CYP4F2: variants seen among roughly 807,000 people sequenced by gnomAD.
CYP4F2 encodes the protein cytochrome P450 family 4 subfamily F member 2.
CYP4F2 carries 58 observed loss-of-function variants against 58.9 expected under a neutral mutation model. The ratio of observed to expected loss-of-function variants is 0.98; its 90% CI spans 0.80 to 1.23. The LOEUF (loss-of-function observed/expected upper bound fraction) is 1.23, where lower values mean the gene tolerates loss of function less well. Among genes scored for constraint, CYP4F2 ranks in the 50% most tolerant of loss-of-function variants. The pLI, the probability that CYP4F2 is intolerant of heterozygous loss-of-function variation, is 0.00. For missense variants in CYP4F2, 616 were observed against 685.6 expected (o/e 0.90, Z 1.13); for synonymous variants, 287 against 261.1 (o/e 1.10, Z -0.95).
At position 15,878,920 on chromosome 19, in the gene CYP4F2, T is replaced by G; in HGVS notation, c.1414A>C (p.Thr472Pro). 1 of 1,467,054 alleles carries G rather than the reference T, an allele frequency of 6.8e-7. No homozygotes were observed. The highest frequency in any genetic ancestry group is 9.1e-7 in the Non-Finnish European group (1 of 1,095,876). The allele number at this position is 1,467,054 out of a possible 1,614,324, so 90.9% of individuals were successfully genotyped here. Residue 472 changes from threonine (T) to proline (P), a missense_variant, in exon 13 of 13, where the codon ACG becomes CCG. Coordinates refer to ENST00000221700, the MANE Select transcript of CYP4F2 (RefSeq NM_001082.5). ...SAGPRNCIGQTFAMAEMKVVL... is the reference protein window; with the variant it reads ...SAGPRNCIGQPFAMAEMKVVL... ...ACCTTCATCTCCGCCATCGCGAACG[T>G]CTGCCCGATGCAGTTCCTAGGGGAG... is the stretch of plus-strand genomic sequence containing the variant.
At chr19:15,896,304 A>C (rs937175393) in intron 2 of CYP4F2, among the ~76,000 whole-genome samples, 8 of 151,880 alleles carry the variant, frequency 5.3e-5, no homozygotes, top group African/African-American at 1.9e-4. Context: ...CTATCTATCT[A>C]TCCACATTCC....
At chr19:15,889,830 T>G (rs1323039505) in intron 6 of CYP4F2, 137 bp from the exon 7 acceptor site, 15 of 1,336,418 alleles carry the variant, frequency 1.1e-5, no homozygotes, top group Non-Finnish European at 1.3e-5. Flanking sequence ...AGATACAGGG[T>G]GGGGATCAGC....
rs144233412 is a variant in CYP4F2, at chr19:15,889,671, C to T, written c.670G>A (p.Ala224Thr). Residue 224 changes from alanine (A) to threonine (T), a missense_variant, in exon 7 of 13, where the codon GCC becomes ACC. Ala to Thr is a moderately conservative substitution (Grantham distance 58). Coordinates refer to ENST00000221700, the MANE Select transcript of CYP4F2 (RefSeq NM_001082.5). ...CQEKPSEYIAAILELSALVSK... is the reference protein window; with the variant it reads ...CQEKPSEYIATILELSALVSK... ...ACAAGGGCACTGAGCTCCAAGATGG[C>T]GGCAATATATTCACTGGGTTTCCTG... 3.2e-5 allele frequency: 52 copies of T among 1,613,778 alleles called. 1 individual carries two copies. The Middle Eastern group carries it at 4.9e-4, about 15-fold the overall frequency.
In CYP4F2 at chr19:15,897,542, G is replaced by T. The variant is rs776637825; in HGVS notation, c.70C>A (p.Leu24Met). 19 of 1,613,936 alleles carry T rather than the reference G, an allele frequency of 1.2e-5. No individual in the cohort carries two copies. Among genetic ancestry groups the T allele is most frequent in the Admixed American group, 1.7e-5 (1 of 59,988 alleles). The change falls in exon 2 of 13, where the codon CTG becomes ATG. Residue 24 changes from leucine (L) to methionine (M), a missense_variant. Coordinates refer to ENST00000221700, the MANE Select transcript of CYP4F2 (RefSeq NM_001082.5). Reference protein sequence around the residue: ...VAASPWLLLLLVGASWLLAHV... With the variant: ...VAASPWLLLLMVGASWLLAHV... The stretch of plus-strand genomic sequence containing the variant: ...GCCAGGAGCCAGGAGGCCCCGACCA[G>T]CAGGAGGAGCAGCCAAGGGGATGCT...
At chr19:15,885,727 G>T (rs1174934500) in intron 9 of CYP4F2, among the ~76,000 whole-genome samples, 197 bp downstream of exon 9, 2 of 152,116 alleles carry the variant, frequency 1.3e-5, no homozygotes, top group Non-Finnish European at 2.9e-5. Context: ...AGAAGCCCAG[G>T]TCTTTCTGTC....
chr19:15,892,656 C>T (rs1488894487), intron 3 of CYP4F2, 74 bp from the exon 4 acceptor site: 2 of 1,573,882 alleles, frequency 1.3e-6, no homozygotes, highest in African/African-American at 1.4e-5. Flanking sequence ...TGGAGGCTCC[C>T]AGCAAGAGGT....
intron 1 of CYP4F2, 143 bp from the exon 2 acceptor site, chr19:15,897,755 G>T: frequency 9.5e-7 from 1 of 1,049,010 alleles, no homozygotes; most frequent in Non-Finnish European, 1.4e-6. Context: ...GGGGCTGAGA[G>T]GTAAAGTCCA....
chr19:15,879,455 T>C lies in CYP4F2; in HGVS notation c.1315-27A>G, dbSNP rs199988835. 1.5e-3 allele frequency: 2,343 copies of C among 1,613,636 alleles called. 4 individuals are homozygous for C. The highest frequency in any genetic ancestry group is 3.3e-3 in the Admixed American group (198 of 59,972). On this transcript the variant is annotated intron_variant, in intron 11 of 12. Coordinates refer to ENST00000221700, the MANE Select transcript of CYP4F2 (RefSeq NM_001082.5). Reference sequence around the variant, plus strand: ...TGGAGGTGAGACCAAGAAGGGTTGTTGGGTGGGGTCTCCCAGTCCGCCAGC... The same window carrying C: ...TGGAGGTGAGACCAAGAAGGGTTGTCGGGTGGGGTCTCCCAGTCCGCCAGC...
At position 15,879,330 on chromosome 19, in the gene CYP4F2, C is replaced by T; in HGVS notation, c.1397+16G>A. On this transcript the variant is annotated intron_variant, in intron 12 of 12. Transcript: ENST00000221700. ...CCCATCAACCCGTTCCCACCTCAGA[C>T]ACAGGCCGCCCTTACCTGGGCCCTG... The T allele has an allele frequency of 1.2e-6, 2 of 1,613,850 alleles. No individual in the cohort carries two copies. The highest frequency in any genetic ancestry group is 2.2e-5 in the East Asian group (1 of 44,850).
At position 15,895,596 on chromosome 19, in the gene CYP4F2, G is replaced by A. The variant is rs1311310558; in HGVS notation, c.253C>T (p.Pro85Ser). 6.3e-7 allele frequency: 1 copy of A among 1,594,402 alleles called. No homozygotes were observed. The highest frequency in any genetic ancestry group is 2.3e-5 in the East Asian group (1 of 42,872). Residue 85 changes from proline (P) to serine (S), a missense_variant, in exon 3 of 13, where the codon CCC becomes TCC. By Grantham distance (74) the Pro-to-Ser change is moderately conservative. Coordinates refer to ENST00000221700, the MANE Select transcript of CYP4F2 (RefSeq NM_001082.5). ...RVLTQLVATYPQGFKVWMGPI... is the reference protein window; with the variant it reads ...RVLTQLVATYSQGFKVWMGPI... ...CCCATCCAGACCTTAAAGCCCTGGG[G>A]GTAGGTGGCCACCAGCTGAGTCAGA...
intron 9 of CYP4F2, among the ~76,000 whole-genome samples, chr19:15,882,106 G>T (rs1282364992): frequency 6.6e-6 from 1 of 152,122 alleles, no homozygotes; most frequent in Non-Finnish European, 1.5e-5. Flanking sequence ...TTAGCCAAGC[G>T]TGGTTGCGGG....
chr19:15,887,473 C>T (rs2089387191), intron 7 of CYP4F2, among the ~76,000 whole-genome samples: 1 of 151,804 alleles, frequency 6.6e-6, no homozygotes, highest in Non-Finnish European at 1.5e-5. Context: ...GAAACACAGA[C>T]ACATAAATAC....
chr19:15,878,926 C>G lies in CYP4F2; in HGVS notation c.1408G>C (p.Gly470Arg), dbSNP rs146148233. The G allele has an allele frequency of 5.1e-5, 83 of 1,613,356 alleles. No homozygotes were observed. The highest frequency in any genetic ancestry group is 6.5e-5 in the Non-Finnish European group (77 of 1,179,774). Reference sequence around the variant, plus strand: ...ATCTCCGCCATCGCGAACGTCTGCCCGATGCAGTTCCTAGGGGAGGGAGGT... The same window carrying G: ...ATCTCCGCCATCGCGAACGTCTGCCGGATGCAGTTCCTAGGGGAGGGAGGT... The part of the protein sequence containing the change: ...PFSAGPRNCI[G>R]QTFAMAEMKV... The change falls in exon 13 of 13, where the codon GGG becomes CGG. Residue 470 changes from glycine (G) to arginine (R), a missense_variant. By Grantham distance (125) the Gly-to-Arg change is moderately radical. Transcript: ENST00000221700.
intron 2 of CYP4F2, among the ~76,000 whole-genome samples, chr19:15,896,783 C>A (rs993891702): frequency 2.0e-5 from 3 of 152,220 alleles, no homozygotes; most frequent in Non-Finnish European, 2.9e-5. Flanking sequence ...TGCAAATGAG[C>A]AGACTAAGAC....
rs2089330369 is a variant in CYP4F2, at chr19:15,879,616, C to T, written c.1302G>A (p.Trp434Ter). Residue 434 changes from tryptophan (W) to a stop codon, truncating the protein, a stop_gained, in exon 11 of 13, where the codon TGG (tryptophan) becomes TGA (stop). Transcript: ENST00000221700. LOFTEE classifies it high-confidence loss of function. ...VFGTHHNPAVWPDPEVYDPFR... is the reference protein window; with the variant it reads ...VFGTHHNPAV ...AGGGGCCCCGCACCTCAGGGTCCGG[C>T]CACACAGCTGGGTTGTGATGGGTTC... 1.2e-6 allele frequency: 2 copies of T among 1,614,096 alleles called. No homozygotes were observed. The highest frequency in any genetic ancestry group is 2.7e-5 in the African/African-American group (2 of 75,030).
intron 3 of CYP4F2, among the ~76,000 whole-genome samples, chr19:15,894,865 G>A (rs73928256): frequency 1.3e-4 from 20 of 152,110 alleles, no homozygotes; most frequent in African/African-American, 4.6e-4. Context: ...GGAGAGCAAC[G>A]AACTTAGGGC....
Position 15,878,729 on chromosome 19 carries a change from C to A in CYP4F2, c.*42G>T, listed in dbSNP as rs905547148. 1 of 1,606,872 alleles carries A rather than the reference C, an allele frequency of 6.2e-7. No homozygotes were observed. Among genetic ancestry groups the A allele is most frequent in the African/African-American group, 1.3e-5 (1 of 74,780 alleles). On this transcript the variant is annotated 3_prime_UTR_variant, in exon 13 of 13. Transcript: ENST00000221700. ...ATTCTAGGCTTCACTTTTGATGAAT[C>A]AGGGGTCATTTTAGTGGGGTCAGAG...
chr19:15,882,797 T>G (rs1197061550), intron 9 of CYP4F2, among the ~76,000 whole-genome samples: 4 of 152,224 alleles, frequency 2.6e-5, no homozygotes, highest in Non-Finnish European at 4.4e-5. Flanking sequence ...TGTCCAGAAC[T>G]GCGTCTATTT....
intron 4 of CYP4F2, 31 bp downstream of exon 4, chr19:15,892,498 T>C: frequency 6.2e-7 from 1 of 1,613,952 alleles, no homozygotes; most frequent in Non-Finnish European, 8.5e-7. Flanking sequence ...CCCAACGTTT[T>C]TCCCAACCCT....
Sources: gnomAD v4.1 joint callset for allele counts (sites outside exome capture counted in the v4.1 genomes callset) on GRCh38, gnomAD v4.1.1 for gene constraint, MANE v1.5 for transcripts, NCBI Gene and HGNC (gene_info 2026-07-23, HGNC 2026-07-21) for gene names.